The following FLI1 variants were observed in gnomAD, a reference collection of about 807,000 sequenced individuals.
The protein encoded by FLI1 is Fli-1 proto-oncogene, ETS transcription factor, also known as Friend leukemia integration 1 transcription factor.
In FLI1, 13 loss-of-function variants were observed where a neutral mutation model predicts 53.1. The ratio of observed to expected loss-of-function variants is 0.24; its 90% CI spans 0.16 to 0.39. The LOEUF is 0.39. Among genes scored for constraint, FLI1 ranks in the 10% least tolerant of loss-of-function variants. The pLI, the probability that FLI1 is intolerant of heterozygous loss-of-function variation, is 1.00. For missense variants in FLI1, 424 were observed against 600.5 expected (o/e 0.71, Z 3.07); for synonymous variants, 244 against 236.7 (o/e 1.03, Z -0.28).
chr11:128,794,228 G>T (rs1040889319), intron 5 of FLI1, among the ~76,000 whole-genome samples: 1 of 152,130 alleles, frequency 6.6e-6, no homozygotes, highest in Non-Finnish European at 1.5e-5. Context: ...GATCCCCGTT[G>T]GCCATTTAGA....
intron 1 of FLI1, among the ~76,000 whole-genome samples, chr11:128,732,656 G>A (rs1405593254): frequency 6.6e-6 from 1 of 152,154 alleles, no homozygotes; most frequent in African/African-American, 2.4e-5. Flanking sequence ...AGAAGTCAAG[G>A]AAAGCCCCAC....
At chr11:128,701,593 A>G (rs1050354631) in intron 1 of FLI1, among the ~76,000 whole-genome samples, 1 of 152,216 alleles carries the variant, frequency 6.6e-6, no homozygotes, top group Non-Finnish European at 1.5e-5. Context: ...GCAAACACTA[A>G]TGTATTTAAG....
chr11:128,689,818 G>A (rs1937664156), upstream of FLI1, among the ~76,000 whole-genome samples: 1 of 152,182 alleles, frequency 6.6e-6, no homozygotes. Flanking sequence ...ACGCCGCGTG[G>A]TCTGGGGGCT....
chr11:128,694,234 G>A lies in FLI1; in HGVS notation c.-25G>A. On this transcript the variant is annotated 5_prime_UTR_variant, in exon 1 of 9. Coordinates refer to ENST00000527786, the MANE Select transcript of FLI1 (RefSeq NM_002017.5). ...ACCGGGTCAATGTGTGGAATATTGG[G>A]GGGCTCGGCTGCAGACTTGGCCAAA... 6.6e-6 allele frequency: 10 copies of A among 1,507,486 alleles called. No homozygotes were observed. The highest frequency in any genetic ancestry group is 8.9e-6 in the Non-Finnish European group (10 of 1,127,168). 93.4% of individuals were successfully genotyped at this position (1,507,486 alleles called of 1,614,324 possible). A position where few individuals can be genotyped will look rare whatever the true frequency, so the allele number is the denominator to read the frequency against.
chr11:128,721,456 C>T (rs529908908), intron 1 of FLI1, among the ~76,000 whole-genome samples: 41 of 152,186 alleles, frequency 2.7e-4, no homozygotes, highest in African/African-American at 8.9e-4. Flanking sequence ...TATAAAAGGC[C>T]CTAATACATT....
chr11:128,717,757 A>C (rs1313966713), intron 1 of FLI1, among the ~76,000 whole-genome samples: 1 of 152,114 alleles, frequency 6.6e-6, no homozygotes, highest in Non-Finnish European at 1.5e-5. Flanking sequence ...CAAGTCAGTA[A>C]CCCCTGCATG....
intron 5 of FLI1, among the ~76,000 whole-genome samples, chr11:128,799,037 A>ATTTTT (rs201505573): frequency 5.4e-5 from 7 of 130,804 alleles, no homozygotes; most frequent in African/African-American, 1.4e-4. Flanking sequence ...TATTATTATT[A>ATTTTT]TTATTATTAT....
At chr11:128,769,179 A>G (rs138546007) in intron 3 of FLI1, among the ~76,000 whole-genome samples, 126 of 152,276 alleles carry the variant, frequency 8.3e-4, no homozygotes, top group African/African-American at 2.7e-3. Flanking sequence ...CCTTCAGTCC[A>G]TTGGCTGGAC....
chr11:128,692,524 G>C (rs1188666570), upstream of FLI1: 1 of 143,524 alleles, frequency 7.0e-6, no homozygotes, highest in Non-Finnish European at 1.5e-5. Flanking sequence ...GTTCAGACCC[G>C]TGTCTGTATT....
At chr11:128,731,734 C>T (rs556536734) in intron 1 of FLI1, among the ~76,000 whole-genome samples, 203 of 152,232 alleles carry the variant, frequency 1.3e-3, no homozygotes, top group African/African-American at 4.6e-3. Context: ...TGGGGCGCAG[C>T]GGCTCAGGCC....
chr11:128,747,057 C>G (rs931350139), intron 1 of FLI1, among the ~76,000 whole-genome samples: 5 of 152,204 alleles, frequency 3.3e-5, no homozygotes, highest in African/African-American at 1.2e-4. Context: ...AGATCTTCAC[C>G]CATCCTCAGG....
At chr11:128,747,857 A>G (rs1210374764) in intron 1 of FLI1, among the ~76,000 whole-genome samples, 1 of 152,258 alleles carries the variant, frequency 6.6e-6, no homozygotes, top group East Asian at 1.9e-4. Flanking sequence ...CGTGGGGTTC[A>G]GATGAATGTT....
At chr11:128,771,372 T>C (rs1222934478) in intron 3 of FLI1, among the ~76,000 whole-genome samples, 1 of 152,230 alleles carries the variant, frequency 6.6e-6, no homozygotes, top group Non-Finnish European at 1.5e-5. Context: ...CAAAGCAGAC[T>C]ACTCGGGCCC....
intron 1 of FLI1, among the ~76,000 whole-genome samples, chr11:128,706,552 A>C (rs1233352648): frequency 6.6e-6 from 1 of 152,194 alleles, no homozygotes. Flanking sequence ...TGAGGCTTCA[A>C]GATGTAGTGT....
intron 4 of FLI1, among the ~76,000 whole-genome samples, chr11:128,775,721 A>G (rs963689361): frequency 6.6e-6 from 1 of 152,108 alleles, no homozygotes; most frequent in Non-Finnish European, 1.5e-5. Flanking sequence ...GCTTGTGGAG[A>G]GTTTGAGGCG....
At chr11:128,733,979 C>T (rs976426065) in intron 1 of FLI1, among the ~76,000 whole-genome samples, 19 of 152,190 alleles carry the variant, frequency 1.2e-4, no homozygotes, top group East Asian at 5.8e-4. Flanking sequence ...TGATTATGAC[C>T]GGGGCTTGCT....
At chr11:128,768,029 A>G (rs940219242) in intron 2 of FLI1, 89 bp from the exon 3 acceptor site, 16 of 1,212,062 alleles carry the variant, frequency 1.3e-5, no homozygotes, top group Non-Finnish European at 1.8e-5. Context: ...CATGCTCATC[A>G]TCGGAGCCCT....
intron 5 of FLI1, among the ~76,000 whole-genome samples, chr11:128,798,064 G>A (rs930272718): frequency 6.6e-5 from 10 of 152,220 alleles, no homozygotes; most frequent in Middle Eastern, 3.4e-3. Context: ...GGCAGAGGGC[G>A]TTGCGTATAA....
At chr11:128,711,835 G>A (rs776363043) in intron 1 of FLI1, among the ~76,000 whole-genome samples, 29 of 152,056 alleles carry the variant, frequency 1.9e-4, no homozygotes, top group Admixed American at 3.9e-4. Context: ...CCCTATAACC[G>A]TTTGTAATAT....
Sources: gnomAD v4.1 joint callset for allele counts (sites outside exome capture counted in the v4.1 genomes callset) on GRCh38, gnomAD v4.1.1 for gene constraint, MANE v1.5 for transcripts, NCBI Gene and HGNC (gene_info 2026-07-23, HGNC 2026-07-21) for gene names.